PCDH7: variants seen among roughly 807,000 people sequenced by gnomAD.
PCDH7 encodes protocadherin-7.
In PCDH7, 17 loss-of-function variants were observed where a neutral mutation model predicts 58.9. That is an observed-to-expected ratio of 0.29 (90% CI 0.20 to 0.43). PCDH7 has a LOEUF of 0.43. Among genes scored for constraint, PCDH7 ranks in the 20% least tolerant of loss-of-function variants. The pLI is 1.00. For synonymous variants in PCDH7, 664 were observed against 616.4 expected (o/e 1.08, Z -1.14); for missense variants, 1,274 against 1,441.0 (o/e 0.88, Z 1.88).
chr4:30,836,855 G>A (rs1401298061), intron 1 of PCDH7, among the ~76,000 whole-genome samples: 1 of 152,130 alleles, frequency 6.6e-6, no homozygotes, highest in Non-Finnish European at 1.5e-5. Context: ...TGGAATGACT[G>A]TCAGAGTAAC....
intron 1 of PCDH7, among the ~76,000 whole-genome samples, chr4:30,814,170 T>C (rs185748957): frequency 6.6e-6 from 1 of 152,114 alleles, no homozygotes; most frequent in African/African-American, 2.4e-5. Context: ...AATATGTAAA[T>C]AGCTACATTT....
chr4:31,049,003 A>AT (rs1328261513), intron 3 of PCDH7, among the ~76,000 whole-genome samples: 3 of 152,068 alleles, frequency 2.0e-5, no homozygotes, highest in African/African-American at 4.8e-5. Context: ...TTTAAAAGTA[A>AT]TTTTTTTAAT....
intron 2 of PCDH7, among the ~76,000 whole-genome samples, chr4:30,938,488 A>G (rs1044162199): frequency 1.3e-5 from 2 of 151,664 alleles, no homozygotes; most frequent in African/African-American, 4.8e-5. Flanking sequence ...ACATACACAC[A>G]CACACACACA....
At chr4:30,727,779 T>C (rs759465038) in intron 1 of PCDH7, among the ~76,000 whole-genome samples, 1 of 151,948 alleles carries the variant, frequency 6.6e-6, no homozygotes, top group Non-Finnish European at 1.5e-5. Flanking sequence ...TCTGGTATTT[T>C]ACTATGTGCT....
chr4:30,789,875 C>T lies in PCDH7; in HGVS notation c.70+65279C>T, dbSNP rs1267043499. 2.0e-5 allele frequency among the ~76,000 whole-genome samples: 3 copies of T among 152,268 alleles called. No individual in the cohort carries two copies. In the South Asian group the frequency reaches 6.2e-4, roughly 32 times the overall value. ...TTATGTCCCCCTGTTTCTAAATAAA[C>T]CTTCTACCCTTTCCTCTTGCCTCTA... On this transcript the variant is annotated intron_variant, in intron 1 of 3. Transcript: ENST00000509759.
At chr4:30,887,546 G>A (rs928301038) in intron 1 of PCDH7, among the ~76,000 whole-genome samples, 1 of 152,272 alleles carries the variant, frequency 6.6e-6, no homozygotes, top group Non-Finnish European at 1.5e-5. Flanking sequence ...TCAGTACATA[G>A]AGAAGATAAT....
chr4:31,096,384 A>T (rs1281211440), intron 3 of PCDH7, among the ~76,000 whole-genome samples: 1 of 152,142 alleles, frequency 6.6e-6, no homozygotes, highest in Non-Finnish European at 1.5e-5. Context: ...GAGGGGAAAA[A>T]AATTAGGAAG....
At chr4:31,095,197 G>A (rs1254067867) in intron 3 of PCDH7, among the ~76,000 whole-genome samples, 4 of 151,862 alleles carry the variant, frequency 2.6e-5, no homozygotes, top group African/African-American at 7.3e-5. Context: ...GTTGTTAATG[G>A]TGGTTATAGG....
intron 1 of PCDH7, among the ~76,000 whole-genome samples, chr4:30,818,255 G>A (rs2109319272): frequency 6.6e-6 from 1 of 152,184 alleles, no homozygotes; most frequent in African/African-American, 2.4e-5. Context: ...TATGTATAGT[G>A]TATGTATGTG....
At chr4:30,795,097 A>T (rs1018456948) in intron 1 of PCDH7, among the ~76,000 whole-genome samples, 30 of 152,224 alleles carry the variant, frequency 2.0e-4, no homozygotes, top group African/African-American at 7.2e-4. Context: ...GATATGGATC[A>T]GTCTTTGAGA....
intron 1 of PCDH7, among the ~76,000 whole-genome samples, chr4:30,859,444 T>G (rs947501866): frequency 6.6e-6 from 1 of 151,826 alleles, no homozygotes; most frequent in Non-Finnish European, 1.5e-5. Context: ...TCTTTTTTTT[T>G]TTTCTTTTTT....
intron 2 of PCDH7, among the ~76,000 whole-genome samples, chr4:30,942,221 A>C (rs1200861879): frequency 2.0e-5 from 3 of 151,944 alleles, no homozygotes; most frequent in Admixed American, 6.6e-5. Context: ...ATTATTACAC[A>C]TGCTTTAATA....
chr4:31,051,125 A>T (rs926767505), intron 3 of PCDH7, among the ~76,000 whole-genome samples: 1 of 152,120 alleles, frequency 6.6e-6, no homozygotes, highest in Non-Finnish European at 1.5e-5. Flanking sequence ...AATATTGCCT[A>T]TAAGCCACTC....
chr4:30,877,057 A>C (rs147038021), intron 1 of PCDH7, among the ~76,000 whole-genome samples: 183 of 152,202 alleles, frequency 1.2e-3, no homozygotes, highest in African/African-American at 4.2e-3. Flanking sequence ...CCTGCAGACT[A>C]AAGTCATCTT....
At chr4:30,828,238 T>A (rs867129558) in intron 1 of PCDH7, among the ~76,000 whole-genome samples, 1 of 141,726 alleles carries the variant, frequency 7.1e-6, no homozygotes, top group Non-Finnish European at 1.5e-5. Context: ...AAAATTACCC[T>A]TAGTAAAGGA....
At chr4:30,921,434 C>A (rs1743180462) in intron 2 of PCDH7, among the ~76,000 whole-genome samples, 1 of 152,030 alleles carries the variant, frequency 6.6e-6, no homozygotes, top group Non-Finnish European at 1.5e-5. Flanking sequence ...AGGAGAAAGA[C>A]TGATTTTCTT....
At chr4:30,949,366 T>C (rs114722116) in intron 2 of PCDH7, among the ~76,000 whole-genome samples, 5,788 of 152,188 alleles carry the variant, frequency 0.038, 218 homozygotes, top group East Asian at 0.16. Context: ...TTTGCAGTGG[T>C]AGTATTGCAG....
intron 3 of PCDH7, among the ~76,000 whole-genome samples, chr4:31,115,949 C>T (rs1351319835): frequency 1.3e-5 from 2 of 152,068 alleles, no homozygotes; most frequent in Non-Finnish European, 2.9e-5. Context: ...TCCAGCCCAC[C>T]AAAATATTAT....
At chr4:30,829,767 T>C (rs1208089075) in intron 1 of PCDH7, among the ~76,000 whole-genome samples, 1 of 152,100 alleles carries the variant, frequency 6.6e-6, no homozygotes, top group Non-Finnish European at 1.5e-5. Flanking sequence ...TTTAGAAATA[T>C]GGCTAATAAA....
Sources: allele counts gnomAD v4.1 joint callset (sites outside exome capture counted in the v4.1 genomes callset), GRCh38; gene constraint gnomAD v4.1.1; transcripts MANE v1.5; gene names NCBI Gene and HGNC (gene_info 2026-07-23, HGNC 2026-07-21).